The following B4GALNT4 variants were observed in gnomAD, a reference collection of about 807,000 sequenced individuals.
The protein encoded by B4GALNT4 is beta-1,4-N-acetyl-galactosaminyltransferase 4.
In B4GALNT4, 77 loss-of-function variants were observed where a neutral mutation model predicts 110.0. The ratio of observed to expected loss-of-function variants is 0.70; its 90% CI spans 0.58 to 0.85. The LOEUF (loss-of-function observed/expected upper bound fraction) is 0.85. B4GALNT4 is among the 40% of genes least tolerant of loss of function. B4GALNT4 has a pLI of 0.00. For missense variants in B4GALNT4, 1,575 were observed against 1,506.0 expected (o/e 1.05, Z -0.76); for synonymous variants, 785 against 655.5 (o/e 1.20, Z -3.02).
At position 375,476 on chromosome 11, in the gene B4GALNT4, C is replaced by T; in HGVS notation, c.799C>T (p.Pro267Ser). The change falls in exon 9 of 20, where the codon CCC (proline) becomes TCC (serine). Residue 267 changes from proline to serine, a missense_variant. Transcript: ENST00000329962. ...HVEVGWRAFLPGLKFEVISSA... is the reference protein window; with the variant it reads ...HVEVGWRAFLSGLKFEVISSA... Reference sequence around the variant, plus strand: ...TGCCCCGCAGTGGCGAGCTTTCCTGCCCGGCCTGAAGTTCGAGGTCATCAG... The same window carrying T: ...TGCCCCGCAGTGGCGAGCTTTCCTGTCCGGCCTGAAGTTCGAGGTCATCAG... 5.6e-6 allele frequency: 9 copies of T among 1,611,830 alleles called. No homozygotes were observed. The highest frequency in any genetic ancestry group is 7.6e-6 in the Non-Finnish European group (9 of 1,179,778).
Position 377,144 on chromosome 11 carries a change from G to A in B4GALNT4, c.2021G>A (p.Arg674His), listed in dbSNP as rs2133575206. 1.3e-6 allele frequency: 2 copies of A among 1,530,118 alleles called. No homozygotes were observed. Among genetic ancestry groups the A allele is most frequent in the Middle Eastern group, 1.8e-4 (1 of 5,634 alleles). 94.8% of individuals were successfully genotyped at this position (1,530,118 alleles called of 1,614,324 possible). A position where few individuals can be genotyped will look rare whatever the true frequency, so the allele number is the denominator to read the frequency against. Residue 674 changes from arginine to histidine, a missense_variant, in exon 14 of 20, where the codon CGC becomes CAC. Physicochemically the swap from Arg to His is conservative, Grantham distance 29. Coordinates refer to ENST00000329962, the MANE Select transcript of B4GALNT4 (RefSeq NM_178537.5). ...SEEAAGPALG[R>H]WREDAIDWQR... ...GAGGCCGCGGGCCCGGCGCTCGGAC[G>A]CTGGCGTGAGGACGCCATCGACTGG... is the stretch of plus-strand genomic sequence containing the variant.
Position 376,268 on chromosome 11 carries a change from A to G in B4GALNT4, c.1214A>G (p.Tyr405Cys), listed in dbSNP as rs201456025. ...CGCCCCAGGTTTGGGTTCTATAAAT[A>G]CATGAAGATGGACAAGGAGGAGGGG... ...LYLERFGFYK[Y>C]MKMDKEEGDE... Residue 405 changes from tyrosine (Y) to cysteine (C), a missense_variant, in exon 13 of 20, where the codon TAC (tyrosine) becomes TGC (cysteine). Coordinates refer to ENST00000329962, the MANE Select transcript of B4GALNT4 (RefSeq NM_178537.5). 3.1e-6 allele frequency: 5 copies of G among 1,609,584 alleles called. No homozygotes were observed. The highest frequency in any genetic ancestry group is 4.2e-6 in the Non-Finnish European group (5 of 1,177,952).
chr11:378,469 A>T (rs1846805504), intron 14 of B4GALNT4, among the ~76,000 whole-genome samples: 1 of 152,196 alleles, frequency 6.6e-6, no homozygotes, highest in Admixed American at 6.5e-5. Flanking sequence ...GTATGGCTCA[A>T]GGAGCAACAG....
chr11:375,894 G>C lies in B4GALNT4; in HGVS notation c.1033G>C (p.Ala345Pro). ...CCTGGAGAACGTGCTGGAGCCCTGC[G>C]CCTACGCCCCCACCTACGTGGTCAA... ...SSLENVLEPC[A>P]YAPTYVVKDF... The change falls in exon 11 of 20, where the codon GCC (alanine) becomes CCC (proline). Residue 345 changes from alanine (A) to proline (P), a missense_variant. Coordinates refer to ENST00000329962, the MANE Select transcript of B4GALNT4 (RefSeq NM_178537.5). The C allele has an allele frequency of 6.2e-7, 1 of 1,611,884 alleles. No homozygotes were observed. Among genetic ancestry groups the C allele is most frequent in the South Asian group, 1.1e-5 (1 of 91,004 alleles).
In B4GALNT4 at chr11:372,882, G is replaced by A. The variant is rs957171308; in HGVS notation, c.379G>A (p.Glu127Lys). Residue 127 changes from glutamate (E) to lysine (K), a missense_variant, in exon 4 of 20, where the codon GAG becomes AAG. By Grantham distance (56) the Glu-to-Lys change is moderately conservative. Coordinates refer to ENST00000329962, the MANE Select transcript of B4GALNT4 (RefSeq NM_178537.5). Reference protein sequence around the residue: ...YKGQVNLHVFEDWCGGAVGHL... With the variant: ...YKGQVNLHVFKDWCGGAVGHL... ...GGGGCAGGTGAACCTGCACGTGTTT[G>A]AGGACTGGTGTGGGGGCGCCGTGGG... 1 of 1,612,132 alleles carries A rather than the reference G, an allele frequency of 6.2e-7. No individual in the cohort carries two copies. The highest frequency in any genetic ancestry group is 8.5e-7 in the Non-Finnish European group (1 of 1,179,786).
chr11:376,361 C>G lies in B4GALNT4; in HGVS notation c.1297+10C>G. The G allele has an allele frequency of 1.9e-6, 3 of 1,605,262 alleles. No individual in the cohort carries two copies. The highest frequency in any genetic ancestry group is 1.7e-6 in the Non-Finnish European group (2 of 1,176,638). On this transcript the variant is annotated intron_variant, in intron 13 of 19. Coordinates refer to ENST00000329962, the MANE Select transcript of B4GALNT4 (RefSeq NM_178537.5). ...TTCCTCAACCCGGACGGTGAGTGTC[C>G]GCAGCGCCCCTGGCCCGCACCCACC...
At chr11:380,584 C>T in intron 18 of B4GALNT4, 139 bp downstream of exon 18, 3 of 1,340,070 alleles carry the variant, frequency 2.2e-6, no homozygotes, top group Non-Finnish European at 3.1e-6. Flanking sequence ...CCCAGAGCCC[C>T]AGTCCCCCCG....
chr11:370,296 C>G (rs1358782518), intron 1 of B4GALNT4, among the ~76,000 whole-genome samples: 1 of 152,028 alleles, frequency 6.6e-6, no homozygotes, highest in Non-Finnish European at 1.5e-5. Flanking sequence ...CTGGGGAAGT[C>G]TCTGCCCCTA....
At chr11:381,108 C>T in intron 19 of B4GALNT4, 157 bp downstream of exon 19, 3 of 985,234 alleles carry the variant, frequency 3.0e-6, no homozygotes, top group Non-Finnish European at 3.6e-6. Flanking sequence ...GGAGAGACTC[C>T]TCCACCCACA....
At chr11:373,680 T>G (rs556059016) in intron 7 of B4GALNT4, 70 bp from the exon 8 acceptor site, 18 of 1,558,480 alleles carry the variant, frequency 1.2e-5, no homozygotes, top group Non-Finnish European at 1.1e-5. Flanking sequence ...GGGAGCCACC[T>G]GCCCCCTTCC....
rs1032609272 is a variant in B4GALNT4, at chr11:376,597, C to G, written c.1474C>G (p.Arg492Gly). Residue 492 changes from arginine to glycine, a missense_variant, in exon 14 of 20, where the codon CGG becomes GGG. Coordinates refer to ENST00000329962, the MANE Select transcript of B4GALNT4 (RefSeq NM_178537.5). ...PRDGGTPRHS[R>G]ALSWAARAAR... ...GGACGGGGGGACCCCCAGGCACTCC[C>G]GGGCCCTGAGCTGGGCCGCCAGGGC... 7 of 1,384,244 alleles carry G rather than the reference C, an allele frequency of 5.1e-6. No individual in the cohort carries two copies. In the African/African-American group the frequency reaches 1.1e-4, roughly 21 times the overall value. The allele number at this position is 1,384,244 out of a possible 1,614,324, so 85.7% of individuals were successfully genotyped here.
rs1846859093 is a variant in B4GALNT4 at position 380,759 on chromosome 11, C to G, written c.2870-66C>G. The G allele has an allele frequency of 2.5e-6, 4 of 1,589,234 alleles. No homozygotes were observed. The African/African-American group carries it at 4.8e-5, about 19-fold the overall frequency. ...GACCCCTCCCGAGGTCTCCTAGCGGCGCTTTGCCGGGGGGACCTTGCAGGA... is the reference window on the plus strand; with the variant it reads ...GACCCCTCCCGAGGTCTCCTAGCGGGGCTTTGCCGGGGGGACCTTGCAGGA... On this transcript the variant is annotated intron_variant, in intron 18 of 19. Transcript: ENST00000329962.
In B4GALNT4 at chr11:369,580, C is replaced by T; in HGVS notation, c.-224C>T. The stretch of plus-strand genomic sequence containing the variant: ...GAGCCGGGAGCGGCCGGGCGGGGGG[C>T]ACCGCGAGGAGCCGCCCCCGCCGCC... On this transcript the variant is annotated 5_prime_UTR_variant, in exon 1 of 20. Coordinates refer to ENST00000329962, the MANE Select transcript of B4GALNT4 (RefSeq NM_178537.5). 7.0e-6 allele frequency among the ~76,000 whole-genome samples: 1 copy of T among 142,788 alleles called. No homozygotes were observed. Among genetic ancestry groups the T allele is most frequent in the East Asian group, 2.1e-4 (1 of 4,752 alleles). The allele number at this position is 142,788 out of a possible 152,430, so 93.7% of individuals were successfully genotyped here.
At chr11:379,130 A>G (rs1183970631) in intron 14 of B4GALNT4, among the ~76,000 whole-genome samples, 1 of 152,210 alleles carries the variant, frequency 6.6e-6, no homozygotes, top group Non-Finnish European at 1.5e-5. Context: ...ACAGGCGGGC[A>G]TGTCATAAAC....
rs1284181097 is a variant in B4GALNT4 at position 376,281 on chromosome 11, C to A, written c.1227C>A (p.Asp409Glu). ...RFGFYKYMKM[D>E]KEEGDEDEED... ...GGTTCTATAAATACATGAAGATGGA[C>A]AAGGAGGAGGGGGATGAGGATGAAG... The change falls in exon 13 of 20, where the codon GAC (aspartate) becomes GAA (glutamate). Residue 409 changes from aspartate to glutamate, a missense_variant. Asp to Glu is a conservative substitution (Grantham distance 45, BLOSUM62 2). Transcript: ENST00000329962. 1.2e-6 allele frequency: 2 copies of A among 1,610,088 alleles called. No individual in the cohort carries two copies.
At chr11:380,053 G>C in intron 16 of B4GALNT4, 34 bp downstream of exon 16, 1 of 1,603,918 alleles carries the variant, frequency 6.2e-7, no homozygotes, top group Non-Finnish European at 8.5e-7. Flanking sequence ...GGCGGACCCA[G>C]CGCAGCTTTC....
Position 379,808 on chromosome 11 carries a change from G to A in B4GALNT4, c.2489-58G>A, listed in dbSNP as rs778783836. 6.2e-4 allele frequency: 948 copies of A among 1,531,368 alleles called. 2 individuals carry two copies. The highest frequency in any genetic ancestry group is 7.9e-4 in the Non-Finnish European group (906 of 1,141,100). The allele number at this position is 1,531,368 out of a possible 1,614,324, so 94.9% of individuals were successfully genotyped here. On this transcript the variant is annotated intron_variant, in intron 15 of 19. Transcript: ENST00000329962. Reference sequence around the variant, plus strand: ...CCGGGATGAAGTTCTTCGGAGCTGGGAGGCCCCACCGTAGAGTCAGCGTCG... The same window carrying A: ...CCGGGATGAAGTTCTTCGGAGCTGGAAGGCCCCACCGTAGAGTCAGCGTCG...
Position 381,674 on chromosome 11 carries a change from T to C in B4GALNT4, c.3002T>C (p.Leu1001Pro). ...CTCTCTGCCCCCGGCCCCAGGGTCC[T>C]GCAGGCAGGGCTGGAGGTGGAGCGG... ...GEDWELLDRV[L>P]QAGLEVERLR... is the part of the protein sequence containing the mutation. The change falls in exon 20 of 20, where the codon CTG becomes CCG. Residue 1001 changes from leucine to proline, a missense_variant. Coordinates refer to ENST00000329962, the MANE Select transcript of B4GALNT4 (RefSeq NM_178537.5). 1 of 1,591,546 alleles carries C rather than the reference T, an allele frequency of 6.3e-7. No homozygotes were observed. The highest frequency in any genetic ancestry group is 8.5e-7 in the Non-Finnish European group (1 of 1,170,220).
rs1234445425 is a variant in B4GALNT4 at position 373,796 on chromosome 11, G to A, written c.751G>A (p.Asp251Asn). The change falls in exon 8 of 20, where the codon GAC becomes AAC. Residue 251 changes from aspartate (D) to asparagine (N), a missense_variant. Physicochemically the swap from Asp to Asn is conservative, Grantham distance 23. Coordinates refer to ENST00000329962, the MANE Select transcript of B4GALNT4 (RefSeq NM_178537.5). ...RYYFELLHKQ[D>N]DRGSDHVEVG... ...CTACTTTGAGTTGCTGCACAAGCAG[G>A]ACGACCGCGGCTCGGACCACGTGGA... 1 of 1,612,318 alleles carries A rather than the reference G, an allele frequency of 6.2e-7. No individual in the cohort carries two copies. Among genetic ancestry groups the A allele is most frequent in the Non-Finnish European group, 8.5e-7 (1 of 1,179,862 alleles).
Sources: gnomAD v4.1 joint callset for allele counts (sites outside exome capture counted in the v4.1 genomes callset) on GRCh38, gnomAD v4.1.1 for gene constraint, MANE v1.5 for transcripts, NCBI Gene and HGNC (gene_info 2026-07-23, HGNC 2026-07-21) for gene names.